The following CUX2 variants were observed in gnomAD, a reference collection of about 807,000 sequenced individuals.
CUX2 encodes the protein cut like homeobox 2.
In CUX2, 40 loss-of-function variants were observed where a neutral mutation model predicts 144.8. The ratio of observed to expected loss-of-function variants is 0.28; its 90% CI spans 0.21 to 0.36. The LOEUF is 0.36. CUX2 is among the 10% of genes least tolerant of loss of function. The pLI is 1.00. For synonymous variants in CUX2, 827 were observed against 875.6 expected, an observed-to-expected ratio of 0.94 and a Z score of 0.98; for missense variants, 1,615 against 1,994.0, an observed-to-expected ratio of 0.81 and a Z score of 3.62.
Position 111,310,412 on chromosome 12 carries a change from G to A in CUX2, c.1630G>A (p.Ala544Thr), listed in dbSNP as rs755269153. ...CGCGGATGGTGGTGGGGGCGGAGCG[G>A]CGGGGCCCGGGGCAGAGGAGGAGCA... ...EPADGGGGGA[A>T]GPGAEEEQLD... Residue 544 changes from alanine (A) to threonine (T), a missense_variant, in exon 15 of 22, where the codon GCG becomes ACG. Physicochemically the swap from Ala to Thr is moderately conservative, Grantham distance 58 (BLOSUM62 0). This residue lies in a region of CUX2 where 154 missense variants were observed against 148.4 expected (regional missense o/e 1.04). Transcript: ENST00000261726. This position sits in a 1 kb window ranked among gnomAD's most constrained non-coding sequence, Gnocchi z 7.9. 3 of 1,610,888 alleles carry A rather than the reference G, an allele frequency of 1.9e-6. No individual in the cohort carries two copies. Among genetic ancestry groups the A allele is most frequent in the Admixed American group, 1.7e-5 (1 of 59,954 alleles).
intron 4 of CUX2, among the ~76,000 whole-genome samples, chr12:111,285,879 C>A (rs1885354625): frequency 1.3e-5 from 2 of 152,232 alleles, no homozygotes; most frequent in Admixed American, 1.3e-4. Context: ...CGGGGCAGCA[C>A]AGTGTGAGAG....
intron 1 of CUX2, among the ~76,000 whole-genome samples, chr12:111,194,618 C>T (rs1566287638): frequency 6.6e-6 from 1 of 152,224 alleles, no homozygotes; most frequent in African/African-American, 2.4e-5. Flanking sequence ...CTTTCCTTTG[C>T]CATGTCCCCA....
At chr12:111,332,442 C>CT (rs1262056029) in intron 18 of CUX2, among the ~76,000 whole-genome samples, 1 of 151,994 alleles carries the variant, frequency 6.6e-6, no homozygotes, top group Non-Finnish European at 1.5e-5. Context: ...CCCAATCTAG[C>CT]TTTTTAATGT....
chr12:111,328,440 A>G (rs1482087236), intron 18 of CUX2, among the ~76,000 whole-genome samples: 1 of 152,190 alleles, frequency 6.6e-6, no homozygotes, highest in Non-Finnish European at 1.5e-5. Context: ...CTACCGTGGC[A>G]GCATCAGTAT....
At chr12:111,217,532 A>G (rs1213084298) in intron 2 of CUX2, among the ~76,000 whole-genome samples, 1 of 152,160 alleles carries the variant, frequency 6.6e-6, no homozygotes, top group African/African-American at 2.4e-5. Flanking sequence ...CCCCACTCCA[A>G]AGTGTGACCT....
At chr12:111,072,473 ATC>A (rs997552118) in intron 1 of CUX2, among the ~76,000 whole-genome samples, 1 of 152,104 alleles carries the variant, frequency 6.6e-6, no homozygotes, top group African/African-American at 2.4e-5. Context: ...CCCTTTGTCC[ATC>A]TCTCCATCAC....
chr12:111,308,415 C>A lies in CUX2; in HGVS notation c.1159-12C>A, dbSNP rs1462337849. On this transcript the variant is annotated splice_polypyrimidine_tract_variant and intron_variant, in intron 13 of 21. Transcript: ENST00000261726. ...CACCAGGTGCCCTCTCAACCTGCCT[C>A]TTGTCTCCTAGGGCATGGCCAAGCC... The A allele has an allele frequency of 1.9e-6, 3 of 1,614,008 alleles. No individual in the cohort carries two copies. The African/African-American group carries it at 4.0e-5, about 22-fold the overall frequency.
chr12:111,109,346 T>C (rs1873796964), intron 1 of CUX2, among the ~76,000 whole-genome samples: 1 of 152,178 alleles, frequency 6.6e-6, no homozygotes, highest in Non-Finnish European at 1.5e-5. Context: ...CCTAACATCC[T>C]CCAAAGGTGG....
chr12:111,044,720 T>C (rs1869915395), intron 1 of CUX2, among the ~76,000 whole-genome samples: 1 of 152,218 alleles, frequency 6.6e-6, no homozygotes, highest in South Asian at 2.1e-4. Context: ...AAATATTTGA[T>C]TGATGGGTGG....
chr12:111,117,840 C>T (rs1409241633), intron 1 of CUX2, among the ~76,000 whole-genome samples: 3 of 152,162 alleles, frequency 2.0e-5, no homozygotes, highest in Non-Finnish European at 4.4e-5. Flanking sequence ...CCACTTGGCT[C>T]CAGGTATTTG....
At chr12:111,222,259 T>G (rs2064892050) in intron 3 of CUX2, among the ~76,000 whole-genome samples, 1 of 152,192 alleles carries the variant, frequency 6.6e-6, no homozygotes, top group African/African-American at 2.4e-5. Context: ...ATTACCTTCA[T>G]TTATTACAGT....
At chr12:111,099,624 G>A (rs1338345813) in intron 1 of CUX2, 2 of 456,626 alleles carry the variant, frequency 4.4e-6, no homozygotes, top group Non-Finnish European at 8.8e-6. Flanking sequence ...GACCTGCAGG[G>A]ATCCTGGCTG....
intron 1 of CUX2, among the ~76,000 whole-genome samples, chr12:111,051,036 T>A (rs1202875582): frequency 6.6e-6 from 1 of 152,212 alleles, no homozygotes; most frequent in Non-Finnish European, 1.5e-5. Context: ...GTGATGGATA[T>A]CCTAAATACC....
At chr12:111,237,891 C>G (rs1019271307) in intron 3 of CUX2, among the ~76,000 whole-genome samples, 1 of 152,192 alleles carries the variant, frequency 6.6e-6, no homozygotes, top group East Asian at 1.9e-4. Context: ...GCACTATGGA[C>G]ACTTTGGACT....
At chr12:111,311,866 G>A (rs1886924383) in intron 15 of CUX2, among the ~76,000 whole-genome samples, 1 of 152,130 alleles carries the variant, frequency 6.6e-6, no homozygotes, top group East Asian at 1.9e-4. Context: ...CCAGAGTGCT[G>A]GGATTACAGG....
intron 1 of CUX2, among the ~76,000 whole-genome samples, chr12:111,038,414 G>A (rs1051000872): frequency 2.0e-5 from 3 of 152,204 alleles, no homozygotes; most frequent in African/African-American, 7.2e-5. Context: ...AGCCGAGGTG[G>A]GGAGCGTGAG....
chr12:111,342,713 C>T lies in CUX2; in HGVS notation c.3659+660C>T, dbSNP rs578039276. Among the ~76,000 whole-genome samples the T allele has an allele frequency of 5.0e-4, 76 of 152,096 alleles. 1 individual carries two copies. In the South Asian group the frequency reaches 0.015, roughly 30 times the overall value. On this transcript the variant is annotated intron_variant, in intron 21 of 21. Coordinates refer to ENST00000261726, the MANE Select transcript of CUX2 (RefSeq NM_015267.4). ...GTGGCTCACACCTGTAATCCCAACA[C>T]TTTGGGAGGCCGAGGTGGGCAGATC...
chr12:111,136,083 G>C (rs185592962), intron 1 of CUX2, among the ~76,000 whole-genome samples: 1 of 152,208 alleles, frequency 6.6e-6, no homozygotes, highest in Non-Finnish European at 1.5e-5. Context: ...AAGGTTTGGA[G>C]TAGAGGGGTG....
rs1351277365 is a variant in CUX2 at position 111,341,771 on chromosome 12, TG to T, written c.3386-7del. ...CACCTCTCAGCCCTCCCTCTCTTCC[TG>T]GCCCCAGCCTACCTGAAACGTCGCT... On this transcript the variant is annotated splice_region_variant and splice_polypyrimidine_tract_variant and intron_variant, in intron 20 of 21. Coordinates refer to ENST00000261726, the MANE Select transcript of CUX2 (RefSeq NM_015267.4). The T allele has an allele frequency of 6.4e-7, 1 of 1,574,670 alleles. No individual in the cohort carries two copies. Among genetic ancestry groups the T allele is most frequent in the East Asian group, 2.2e-5 (1 of 44,526 alleles).
Sources: gnomAD v4.1 joint callset for allele counts (sites outside exome capture counted in the v4.1 genomes callset) on GRCh38, gnomAD v4.1.1 for gene constraint, gnomAD v4.1.1 regional missense constraint, Gnocchi (gnomAD v3.1) non-coding constraint, MANE v1.5 for transcripts, NCBI Gene and HGNC (gene_info 2026-07-23, HGNC 2026-07-21) for gene names.